IL18RAP: variants seen among roughly 807,000 people sequenced by gnomAD.
IL18RAP encodes the protein interleukin 18 receptor accessory protein.
A neutral mutation model predicts 58.1 loss-of-function variants in IL18RAP; 37 were observed. That is an observed-to-expected ratio of 0.64 (90% confidence interval 0.49 to 0.84). IL18RAP has a LOEUF of 0.84. IL18RAP is among the 40% of genes least tolerant of loss of function. The probability of loss-of-function intolerance (pLI) is 0.00; values close to 1 mark genes in which losing one functional copy is unlikely to be tolerated. For synonymous variants in IL18RAP, 268 were observed against 257.5 expected (o/e 1.04, Z -0.39); for missense variants, 667 against 704.8 (o/e 0.95, Z 0.61).
At position 102,437,257 on chromosome 2, in the gene IL18RAP, G is replaced by C. The variant is rs1682810872; in HGVS notation, c.625G>C (p.Asp209His). The C allele has an allele frequency of 2.5e-6, 4 of 1,613,300 alleles. No individual in the cohort carries two copies. The highest frequency in any genetic ancestry group is 1.1e-5 in the South Asian group (1 of 90,894). ...SVERSNRIVV[D>H]EVYDYHQGTY... ...GGAAAGGAGCAACCGAATCGTAGTG[G>C]ATGAAGTTTATGACTATCACCAGGG... is the stretch of plus-strand genomic sequence containing the variant. Residue 209 changes from aspartate (D) to histidine (H), a missense_variant, in exon 4 of 10, where the codon GAT (aspartate) becomes CAT (histidine). By Grantham distance (81) the Asp-to-His change is moderately conservative. Coordinates refer to ENST00000687160, the MANE Select transcript of IL18RAP (RefSeq NM_001393487.1).
At chr2:102,423,749 A>G (rs1681733155) in intron 1 of IL18RAP, 62 bp from the exon 2 acceptor site, 3 of 1,171,466 alleles carry the variant, frequency 2.6e-6, no homozygotes. Flanking sequence ...CTAGATGTAA[A>G]TATAAGCTAG....
upstream of IL18RAP, among the ~76,000 whole-genome samples, chr2:102,420,165 G>C (rs1050229592): frequency 6.6e-6 from 1 of 152,206 alleles, no homozygotes; most frequent in Non-Finnish European, 1.5e-5. Context: ...TTGGGCTCAT[G>C]TTGGTCAGTT....
chr2:102,452,379 G>T lies in IL18RAP; in HGVS notation c.*198G>T. The T allele has an allele frequency of 1.9e-6, 1 of 527,716 alleles. No individual in the cohort carries two copies. The highest frequency in any genetic ancestry group is 1.9e-5 in the African/African-American group (1 of 52,860). The allele number at this position is 527,716 out of a possible 1,614,324, so 32.7% of individuals were successfully genotyped here. On this transcript the variant is annotated 3_prime_UTR_variant, in exon 10 of 10. Coordinates refer to ENST00000687160, the MANE Select transcript of IL18RAP (RefSeq NM_001393487.1). The stretch of plus-strand genomic sequence containing the variant: ...TTTGATTTCCTGGACTGGACTGACG[G>T]CGAGTGAATTCTCTAGACCTTGGGT...
chr2:102,446,198 A>C (rs1272761712), intron 7 of IL18RAP, among the ~76,000 whole-genome samples: 1 of 152,164 alleles, frequency 6.6e-6, no homozygotes, highest in Non-Finnish European at 1.5e-5. Context: ...AATAAAAGGA[A>C]TATGATAAGT....
At chr2:102,432,627 G>C (rs569327501) in intron 3 of IL18RAP, among the ~76,000 whole-genome samples, 4 of 152,272 alleles carry the variant, frequency 2.6e-5, no homozygotes, top group African/African-American at 9.6e-5. Flanking sequence ...GATAGCCTTA[G>C]GCAGGGCATT....
chr2:102,451,470 C>A (rs11465736), intron 9 of IL18RAP, among the ~76,000 whole-genome samples: 2 of 152,234 alleles, frequency 1.3e-5, no homozygotes, highest in African/African-American at 2.4e-5. Context: ...CAGATACCCC[C>A]ACCAAGGAGC....
chr2:102,438,222 T>A (rs1186450636), intron 4 of IL18RAP, among the ~76,000 whole-genome samples: 1 of 152,218 alleles, frequency 6.6e-6, no homozygotes, highest in Non-Finnish European at 1.5e-5. Context: ...GAATCAACTA[T>A]GTGATAGAAT....
chr2:102,446,753 C>G (rs1573301369), intron 7 of IL18RAP, among the ~76,000 whole-genome samples: 1 of 149,172 alleles, frequency 6.7e-6, no homozygotes, highest in East Asian at 2.0e-4. Context: ...GTGAGCTGCG[C>G]GCCACTGCAC....
intron 3 of IL18RAP, among the ~76,000 whole-genome samples, chr2:102,425,821 G>T (rs1681902166): frequency 6.6e-6 from 1 of 151,992 alleles, no homozygotes; most frequent in Non-Finnish European, 1.5e-5. Context: ...TTGCATAATA[G>T]TAGCCAGCTT....
intron 4 of IL18RAP, chr2:102,438,837 T>C (rs1682917403): frequency 6.6e-6 from 1 of 152,234 alleles, no homozygotes; most frequent in African/African-American, 2.4e-5. Flanking sequence ...CTTTCCATTT[T>C]GAGAAGAAGA....
chr2:102,426,246 A>G (rs1227026982), intron 3 of IL18RAP, among the ~76,000 whole-genome samples: 1 of 152,112 alleles, frequency 6.6e-6, no homozygotes, highest in East Asian at 1.9e-4. Context: ...TGAATAGGTG[A>G]AGCTGGCACT....
intron 5 of IL18RAP, among the ~76,000 whole-genome samples, chr2:102,442,826 A>G (rs1363113865): frequency 1.3e-5 from 2 of 152,186 alleles, no homozygotes; most frequent in Non-Finnish European, 2.9e-5. Flanking sequence ...AATTTTCTTT[A>G]TGGACACACC....
At chr2:102,422,983 G>A (rs2104287506), upstream of IL18RAP, among the ~76,000 whole-genome samples, 1 of 152,280 alleles carries the variant, frequency 6.6e-6, no homozygotes, top group Non-Finnish European at 1.5e-5. Flanking sequence ...AGAGCCTAGG[G>A]ATATTGGGAG....
intron 3 of IL18RAP, among the ~76,000 whole-genome samples, chr2:102,432,888 A>G (rs780431693): frequency 1.3e-5 from 2 of 152,192 alleles, no homozygotes; most frequent in African/African-American, 2.4e-5. Flanking sequence ...ATTTCTAAAA[A>G]TGTAATGAAA....
chr2:102,423,413 C>G (rs2272127), intron 1 of IL18RAP, 66 bp downstream of exon 1: 225,762 of 1,259,924 alleles, frequency 0.18, 22,366 homozygotes, highest in African/African-American at 0.33. Context: ...GATGGATAAC[C>G]TGATATATCA....
In IL18RAP at chr2:102,450,821, G is replaced by A. The variant is rs1683716310; in HGVS notation, c.1211-27G>A. The stretch of plus-strand genomic sequence containing the variant: ...GTAAAAAAAAGAGTAAATGACTTAT[G>A]TTTTTATAAATTTTCCTATTCTTCA... On this transcript the variant is annotated intron_variant, in intron 8 of 9. Transcript: ENST00000687160. 2.0e-6 allele frequency: 3 copies of A among 1,487,744 alleles called. No homozygotes were observed. In the East Asian group the frequency reaches 6.9e-5, roughly 34 times the overall value. The allele number at this position is 1,487,744 out of a possible 1,614,324, so 92.2% of individuals were successfully genotyped here.
chr2:102,439,796 C>A (rs1358166934), intron 4 of IL18RAP: 1 of 152,070 alleles, frequency 6.6e-6, no homozygotes, highest in Non-Finnish European at 1.5e-5. Context: ...TTTAGTCATC[C>A]AAGTCATGAC....
intron 3 of IL18RAP, among the ~76,000 whole-genome samples, chr2:102,430,342 G>A (rs1280358317): frequency 6.6e-6 from 1 of 151,704 alleles, no homozygotes; most frequent in African/African-American, 2.4e-5. Flanking sequence ...TTTTTTTACT[G>A]AAAGTCTATT....
Position 102,452,075 on chromosome 2 carries a change from A to G in IL18RAP, c.1694A>G (p.Gln565Arg). 1 of 1,614,144 alleles carries G rather than the reference A, an allele frequency of 6.2e-7. No individual in the cohort carries two copies. Among genetic ancestry groups the G allele is most frequent in the South Asian group, 1.1e-5 (1 of 91,084 alleles). ...TACCACATGCCTGTGAAAAACTCTC[A>G]GGGATTCACGTGGAACCAGCTCAGA... ...MRYHMPVKNS[Q>R]GFTWNQLRIT... Residue 565 changes from glutamine (Q) to arginine (R), a missense_variant, in exon 10 of 10, where the codon CAG becomes CGG. By Grantham distance (43) the Gln-to-Arg change is conservative. Coordinates refer to ENST00000687160, the MANE Select transcript of IL18RAP (RefSeq NM_001393487.1).
Sources: allele counts gnomAD v4.1 joint callset (sites outside exome capture counted in the v4.1 genomes callset), GRCh38; gene constraint gnomAD v4.1.1; transcripts MANE v1.5; gene names NCBI Gene and HGNC (gene_info 2026-07-23, HGNC 2026-07-21).